PPEF1: variants seen among roughly 807,000 people sequenced by gnomAD.
The protein encoded by PPEF1 is protein phosphatase with EF-hand domain 1, also known as serine/threonine-protein phosphatase with EF-hands 1.
A neutral mutation model predicts 53.3 loss-of-function variants in PPEF1; 12 were observed. The observed-to-expected ratio is 0.23, with a 90% CI of 0.14 to 0.36. The LOEUF is 0.36. PPEF1 is among the 10% of genes least tolerant of loss of function. The probability of loss-of-function intolerance (pLI) is 1.00; values close to 1 mark genes in which losing one functional copy is unlikely to be tolerated. For synonymous variants in PPEF1, 165 were observed against 176.7 expected (o/e 0.93, Z 0.52); for missense variants, 334 against 490.4 (o/e 0.68, Z 3.01).
intron 4 of PPEF1, among the ~76,000 whole-genome samples, chrX:18,750,343 C>A (rs192371270): frequency 9.0e-6 from 1 of 111,640 alleles, no homozygotes; most frequent in African/African-American, 3.3e-5. Flanking sequence ...CCCCTGGCAA[C>A]CACTGTTCTA....
rs2046604494 is a variant in PPEF1 at position 18,803,958 on chromosome X, G to A, written c.1132G>A (p.Gly378Arg). 2 of 1,208,480 alleles carry A rather than the reference G, an allele frequency of 1.7e-6. No homozygotes were observed. Among genetic ancestry groups the A allele is most frequent in the Non-Finnish European group, 2.2e-6 (2 of 892,862 alleles). The change falls in exon 11 of 16, where the codon GGG (glycine) becomes AGG (arginine). Residue 378 changes from glycine to arginine, a missense_variant. Physicochemically the swap from Gly to Arg is moderately radical, Grantham distance 125. Transcript: ENST00000470157. ...NGCFPNTCRG[G>R]GCYFGPDVTS... The stretch of plus-strand genomic sequence containing the variant: ...CTGTTTTCCAAATACGTGCCGAGGA[G>A]GGGGCTGCTATTTTGGACCAGATGT...
intron 6 of PPEF1, among the ~76,000 whole-genome samples, chrX:18,767,586 A>T (rs1331538228): frequency 8.9e-6 from 1 of 112,399 alleles, no homozygotes; most frequent in Non-Finnish European, 1.9e-5. Flanking sequence ...GGCACATTTT[A>T]AAAACTTCCA....
At chrX:18,760,777 A>ATTTTTTT (rs35558454) in intron 5 of PPEF1, among the ~76,000 whole-genome samples, 1 of 74,063 alleles carries the variant, frequency 1.4e-5, no homozygotes, top group Admixed American at 1.6e-4. Context: ...AAACCTGGCA[A>ATTTTTTT]TTTTTTTTTT....
At position 18,824,296 on chromosome X, in the gene PPEF1, C is replaced by T. The variant is rs145315477; in HGVS notation, c.1665+210C>T. On this transcript the variant is annotated intron_variant, in intron 14 of 15. Transcript: ENST00000470157. Reference sequence around the variant, plus strand: ...CTCTACCAAAAATACAAAAATCAGCCGGGTGTGGTCGTGCCCACCTGTAAT... The same window carrying T: ...CTCTACCAAAAATACAAAAATCAGCTGGGTGTGGTCGTGCCCACCTGTAAT... Among the ~76,000 whole-genome samples the T allele has an allele frequency of 1.1e-4, 12 of 110,934 alleles. No individual in the cohort carries two copies. In the East Asian group the frequency reaches 2.9e-3, roughly 27 times the overall value.
At chrX:18,740,821 C>A (rs1237800944) in intron 3 of PPEF1, among the ~76,000 whole-genome samples, 1 of 110,851 alleles carries the variant, frequency 9.0e-6, no homozygotes, top group African/African-American at 3.3e-5. Flanking sequence ...TTTTTTACAA[C>A]CATGTATTTC....
At chrX:18,690,183 G>A (rs1405383233) in intron 3 of PPEF1, among the ~76,000 whole-genome samples, 1 of 110,890 alleles carries the variant, frequency 9.0e-6, no homozygotes. Context: ...GCACATAATA[G>A]ATGCTCAACA....
intron 4 of PPEF1, among the ~76,000 whole-genome samples, chrX:18,694,823 C>T (rs145004615): frequency 0.013 from 1,490 of 111,655 alleles, 23 homozygotes; most frequent in African/African-American, 0.046. Flanking sequence ...TTGAATCTGG[C>T]CTGGAGGAAC....
At chrX:18,729,324 A>G (rs180924200) in intron 1 of PPEF1, among the ~76,000 whole-genome samples, 9 of 111,656 alleles carry the variant, frequency 8.1e-5, no homozygotes, top group Non-Finnish European at 1.5e-4. Context: ...ACCCCTTCTT[A>G]TGTTAATTAG....
intron 1 of PPEF1, among the ~76,000 whole-genome samples, chrX:18,684,090 A>G (rs958696114): frequency 8.9e-6 from 1 of 112,163 alleles, no homozygotes; most frequent in African/African-American, 3.2e-5. Flanking sequence ...CCAGCTACCA[A>G]GGGCTTGCCC....
chrX:18,678,571 C>T (rs76840426), upstream of PPEF1, among the ~76,000 whole-genome samples: 5,272 of 112,141 alleles, frequency 0.047, 216 homozygotes, highest in South Asian at 0.14. Flanking sequence ...TTCTGTCCCC[C>T]CACTGGGACT....
At chrX:18,692,109 G>T (rs750160376) in intron 4 of PPEF1, among the ~76,000 whole-genome samples, 2 of 111,925 alleles carry the variant, frequency 1.8e-5, no homozygotes, top group South Asian at 7.5e-4. Context: ...GCAACCTGAT[G>T]ACCTATTTAA....
At position 18,733,825 on chromosome X, in the gene PPEF1, G is replaced by C; in HGVS notation, c.235+17G>C. 1 of 1,135,794 alleles carries C rather than the reference G, an allele frequency of 8.8e-7. No individual in the cohort carries two copies. Among genetic ancestry groups the C allele is most frequent in the Non-Finnish European group, 1.2e-6 (1 of 847,227 alleles). The allele number at this position is 1,135,794 out of a possible 1,213,427, so 93.6% of individuals were successfully genotyped here. A position where few individuals can be genotyped will look rare whatever the true frequency, so the allele number is the denominator to read the frequency against. Reference sequence around the variant, plus strand: ...AAGAGCTAGGTAAGTAAAAAGCTTAGTCTTTTCAAATGTGTCATTAAATAT... The same window carrying C: ...AAGAGCTAGGTAAGTAAAAAGCTTACTCTTTTCAAATGTGTCATTAAATAT... On this transcript the variant is annotated intron_variant, in intron 3 of 15. Coordinates refer to ENST00000470157, the MANE Select transcript of PPEF1 (RefSeq NM_001377996.1).
intron 6 of PPEF1, among the ~76,000 whole-genome samples, chrX:18,777,073 T>G (rs766699130): frequency 8.9e-6 from 1 of 112,479 alleles, no homozygotes; most frequent in Non-Finnish European, 1.9e-5. Flanking sequence ...GTGTGGTAAG[T>G]ATGGAAGATA....
intron 1 of PPEF1, among the ~76,000 whole-genome samples, chrX:18,721,614 G>A (rs979536579): frequency 3.8e-4 from 42 of 111,709 alleles, no homozygotes; most frequent in African/African-American, 1.3e-3. Context: ...TCGGAGTTTC[G>A]TTGATTTGCC....
chrX:18,701,294 G>A (rs773064939), intron 6 of PPEF1, among the ~76,000 whole-genome samples: 20 of 112,166 alleles, frequency 1.8e-4, no homozygotes, highest in Admixed American at 4.7e-4. Flanking sequence ...ACCAGAACCT[G>A]TAGGTACCCA....
chrX:18,741,905 G>A (rs1295699740), intron 3 of PPEF1, among the ~76,000 whole-genome samples: 2 of 107,630 alleles, frequency 1.9e-5, no homozygotes, highest in Non-Finnish European at 3.8e-5. Context: ...CCTGGTTCAA[G>A]CAATTCTCAT....
chrX:18,715,398 G>C (rs5909210), intron 1 of PPEF1, among the ~76,000 whole-genome samples: 1 of 110,857 alleles, frequency 9.0e-6, no homozygotes, highest in Non-Finnish European at 1.9e-5. Flanking sequence ...TGGGCGTGAC[G>C]GCACATGCCT....
At chrX:18,772,447 TTA>T (rs1376448211) in intron 6 of PPEF1, among the ~76,000 whole-genome samples, 1 of 112,070 alleles carries the variant, frequency 8.9e-6, no homozygotes, top group Non-Finnish European at 1.9e-5. Context: ...ATTTTTTCTA[TTA>T]TATATGTTAA....
rs182645147 is a variant in PPEF1, at chrX:18,826,779, A to G, written c.1751-497A>G. On this transcript the variant is annotated intron_variant, in intron 15 of 15. Coordinates refer to ENST00000470157, the MANE Select transcript of PPEF1 (RefSeq NM_001377996.1). ...CTTATTTTCAAATTTTTAAAAACTCATCAGATAATCCCCTAATGCAGAGAC... is the reference window on the plus strand; with the variant it reads ...CTTATTTTCAAATTTTTAAAAACTCGTCAGATAATCCCCTAATGCAGAGAC... 3.7e-5 allele frequency among the ~76,000 whole-genome samples: 4 copies of G among 109,518 alleles called. No individual in the cohort carries two copies. The East Asian group carries it at 1.1e-3, about 31-fold the overall frequency.
Sources: gnomAD v4.1 joint callset for allele counts (sites outside exome capture counted in the v4.1 genomes callset) on GRCh38, gnomAD v4.1.1 for gene constraint, MANE v1.5 for transcripts, NCBI Gene and HGNC (gene_info 2026-07-23, HGNC 2026-07-21) for gene names.